Variants in ZNF263 observed in about 807,000 individuals in gnomAD.
ZNF263 encodes zinc finger protein FPM315.
ZNF263 carries 49 observed loss-of-function variants against 63.1 expected under a neutral mutation model. The ratio of observed to expected loss-of-function variants is 0.78; its 90% CI spans 0.62 to 0.99. ZNF263 has a LOEUF of 0.99. ZNF263 is among the 50% of genes least tolerant of loss of function. ZNF263 has a pLI of 0.00. For synonymous variants in ZNF263, 352 were observed against 324.2 expected, an observed-to-expected ratio of 1.09 and a Z score of -0.92; for missense variants, 872 against 854.8, an observed-to-expected ratio of 1.02 and a Z score of -0.25.
chr16:3,292,000 C>T (rs1355349100), downstream of ZNF263, among the ~76,000 whole-genome samples: 4 of 152,198 alleles, frequency 2.6e-5, no homozygotes, highest in Admixed American at 6.5e-5. Context: ...CTTGAGTTCC[C>T]GAGCTCAAGC....
chr16:3,284,030 G>T lies in ZNF263; in HGVS notation c.212G>T (p.Arg71Leu), dbSNP rs185197463. Reference protein sequence around the residue: ...RLQELCHGWLRPEMRTKEQIL... With the variant: ...RLQELCHGWLLPEMRTKEQIL... ...CAAGAGCTTTGCCATGGGTGGCTTC[G>T]GCCTGAGATGCGCACGAAGGAGCAG... is the stretch of plus-strand genomic sequence containing the variant. The change falls in exon 1 of 6, where the codon CGG becomes CTG. Residue 71 changes from arginine to leucine, a missense_variant. Physicochemically the swap from Arg to Leu is moderately radical, Grantham distance 102 (BLOSUM62 -2). Transcript: ENST00000219069. The T allele has an allele frequency of 2.6e-4, 415 of 1,613,846 alleles. 3 individuals are homozygous for T. In the East Asian group the frequency reaches 8.2e-3, roughly 32 times the overall value.
chr16:3,285,954 T>C (rs1468042512), intron 3 of ZNF263, 69 bp from the exon 4 acceptor site: 1 of 1,612,658 alleles, frequency 6.2e-7, no homozygotes, highest in African/African-American at 1.3e-5. Flanking sequence ...TTTTGCCCCT[T>C]TAACCCATGA....
chr16:3,284,081 A>G lies in ZNF263; in HGVS notation c.263A>G (p.Gln88Arg). Residue 88 changes from glutamine (Q) to arginine (R), a missense_variant, in exon 1 of 6, where the codon CAG becomes CGG. Transcript: ENST00000219069. The stretch of plus-strand genomic sequence containing the variant: ...ATCTTGGAGCTGCTGGTGTTAGAGC[A>G]GTTCCTGACCATCCTGCCCCAGGAG... ...EQILELLVLE[Q>R]FLTILPQEIQ... 6.2e-7 allele frequency: 1 copy of G among 1,613,582 alleles called. No homozygotes were observed. The highest frequency in any genetic ancestry group is 8.5e-7 in the Non-Finnish European group (1 of 1,179,682).
At chr16:3,294,259 T>G (rs1322907106), downstream of ZNF263, among the ~76,000 whole-genome samples, 1 of 152,224 alleles carries the variant, frequency 6.6e-6, no homozygotes, top group African/African-American at 2.4e-5. Context: ...AGTGATTCAT[T>G]ACATTAACTG....
At chr16:3,287,238 G>A (rs531902867) in intron 4 of ZNF263, among the ~76,000 whole-genome samples, 1 of 152,290 alleles carries the variant, frequency 6.6e-6, no homozygotes, top group South Asian at 2.1e-4. Context: ...AGCCTCCAGA[G>A]TAGCTGGGAT....
At chr16:3,294,596 T>C (rs567087361), downstream of ZNF263, among the ~76,000 whole-genome samples, 4 of 152,346 alleles carry the variant, frequency 2.6e-5, no homozygotes, top group African/African-American at 4.8e-5. Flanking sequence ...TCCCATCATA[T>C]ACTTTTTAAT....
At chr16:3,297,104 A>G (rs1266548744) in intron 1 of ZNF263, among the ~76,000 whole-genome samples, 1 of 152,034 alleles carries the variant, frequency 6.6e-6, no homozygotes, top group East Asian at 1.9e-4. Context: ...GGAGTTCAAG[A>G]CCAACCTGAG....
intron 3 of ZNF263, 45 bp downstream of exon 3, chr16:3,285,799 C>T: frequency 1.2e-6 from 2 of 1,603,148 alleles, no homozygotes; most frequent in Non-Finnish European, 1.7e-6. Flanking sequence ...CCCTTCCTCC[C>T]CTGAGTGTTG....
downstream of ZNF263, chr16:3,293,206 C>T (rs1959660937): frequency 6.6e-6 from 1 of 152,188 alleles, no homozygotes; most frequent in Admixed American, 6.5e-5. Context: ...TGCTGTTCTC[C>T]TGATACTGAA....
At chr16:3,300,629 T>G in intron 2 of ZNF263, 9 of 1,534,822 alleles carry the variant, frequency 5.9e-6, no homozygotes, top group Non-Finnish European at 7.9e-6. Flanking sequence ...AATTTAACTC[T>G]GAACCACCAA....
At chr16:3,287,893 T>G (rs1251597679) in intron 4 of ZNF263, among the ~76,000 whole-genome samples, 2 of 151,884 alleles carry the variant, frequency 1.3e-5, no homozygotes, top group Non-Finnish European at 2.9e-5. Flanking sequence ...TATAGTTATT[T>G]CAATTACAGT....
At chr16:3,286,530 C>T (rs118162553) in intron 4 of ZNF263, 3,953 of 156,024 alleles carry the variant, frequency 0.025, 78 homozygotes, top group Non-Finnish European at 0.04. Context: ...GCCAGTGTTT[C>T]CTGTGTTCCG....
chr16:3,293,395 G>A (rs1286962482), downstream of ZNF263: 1 of 152,220 alleles, frequency 6.6e-6, no homozygotes, highest in Non-Finnish European at 1.5e-5. Context: ...AACCTCTTTT[G>A]TTTGTAAATT....
downstream of ZNF263, chr16:3,292,754 A>G (rs1959644686): frequency 6.6e-6 from 1 of 152,252 alleles, no homozygotes; most frequent in African/African-American, 2.4e-5. Flanking sequence ...GGTATTTGCC[A>G]TAAAAAGGCA....
intron 1 of ZNF263, among the ~76,000 whole-genome samples, 198 bp downstream of exon 1, chr16:3,284,403 C>T (rs774127004): frequency 1.3e-5 from 2 of 152,240 alleles, no homozygotes; most frequent in Non-Finnish European, 2.9e-5. Flanking sequence ...CCTGTTTCCA[C>T]GCGGAGGCGG....
intron 1 of ZNF263, among the ~76,000 whole-genome samples, chr16:3,297,918 A>G: frequency 6.6e-6 from 1 of 152,266 alleles, no homozygotes; most frequent in East Asian, 1.9e-4. Context: ...TCTTTTGGTT[A>G]CAAAATTAGC....
Position 3,284,102 on chromosome 16 carries a change from A to G in ZNF263, c.284A>G (p.Gln95Arg), listed in dbSNP as rs1959250801. The change falls in exon 1 of 6, where the codon CAG (glutamine) becomes CGG (arginine). Residue 95 changes from glutamine to arginine, a missense_variant. By Grantham distance (43) the Gln-to-Arg change is conservative. Transcript: ENST00000219069. ...VLEQFLTILP[Q>R]EIQSRVQELH... ...GAGCAGTTCCTGACCATCCTGCCCC[A>G]GGAGATCCAGAGCAGGGTGCAGGAG... The G allele has an allele frequency of 6.2e-7, 1 of 1,613,144 alleles. No individual in the cohort carries two copies. The highest frequency in any genetic ancestry group is 8.5e-7 in the Non-Finnish European group (1 of 1,179,422).
chr16:3,287,806 A>G (rs906117549), intron 4 of ZNF263, among the ~76,000 whole-genome samples: 3 of 151,686 alleles, frequency 2.0e-5, no homozygotes, highest in South Asian at 4.1e-4. Context: ...ATTTAGTTCT[A>G]TTTTGTATTT....
intron 2 of ZNF263, chr16:3,300,728 G>T (rs1959916924): frequency 1.4e-6 from 2 of 1,458,260 alleles, no homozygotes; most frequent in Non-Finnish European, 1.8e-6. Context: ...GCCCCAGAAG[G>T]CATGGGCATT....
Sources: allele counts gnomAD v4.1 joint callset (sites outside exome capture counted in the v4.1 genomes callset), GRCh38; gene constraint gnomAD v4.1.1; transcripts MANE v1.5; gene names NCBI Gene and HGNC (gene_info 2026-07-23, HGNC 2026-07-21).